Variants in GFRA1 observed in about 807,000 individuals in gnomAD.
GFRA1 encodes GDNF family receptor alpha-1.
In GFRA1, 16 loss-of-function variants were observed where a neutral mutation model predicts 51.6. The observed-to-expected ratio is 0.31, with a 90% CI of 0.21 to 0.47. The LOEUF is 0.47. GFRA1 is among the 20% of genes least tolerant of loss of function. The probability of loss-of-function intolerance (pLI) is 1.00; values close to 1 mark genes in which losing one functional copy is unlikely to be tolerated. For missense variants in GFRA1, 530 were observed against 594.3 expected (o/e 0.89, Z 1.13); for synonymous variants, 270 against 241.3 (o/e 1.12, Z -1.10).
In GFRA1 at chr10:116,270,991, G is replaced by C. The variant is rs771862648; in HGVS notation, c.165C>G (p.Gly55=). The C allele has an allele frequency of 1.9e-6, 3 of 1,614,212 alleles. No individual in the cohort carries two copies. Among genetic ancestry groups the C allele is most frequent in the Admixed American group, 3.3e-5 (2 of 60,034 alleles). ...ATGCCAGGCTGAAGTTGGTCTCCTT[G>C]CCCGCCACGCACTGCCTTAGCGTGC... The part of the protein sequence containing the change: ...KYRTLRQCVA[G]KETNFSLASG... The change falls in exon 3 of 11, where the codon GGC becomes GGG. Residue 55 remains glycine, a synonymous_variant. Coordinates refer to ENST00000355422, the MANE Select transcript of GFRA1 (RefSeq NM_005264.8).
intron 5 of GFRA1, among the ~76,000 whole-genome samples, chr10:116,193,780 G>A (rs1042561545): frequency 6.6e-5 from 10 of 151,812 alleles, no homozygotes; most frequent in African/African-American, 9.7e-5. Context: ...CTCATGGGCC[G>A]GGCGCGGTGG....
At chr10:116,159,007 A>G (rs1959459342) in intron 5 of GFRA1, among the ~76,000 whole-genome samples, 1 of 152,240 alleles carries the variant, frequency 6.6e-6, no homozygotes, top group African/African-American at 2.4e-5. Context: ...TTTGAAGGAA[A>G]CGGTGCTTTA....
chr10:116,111,183 C>T lies in GFRA1; in HGVS notation c.770+14038G>A, dbSNP rs558253666. ...CCATTTTAGGAAGAAGATTTAATTA[C>T]CTTAAAACCCTGTGTTTTGCTTTGC... is the stretch of plus-strand genomic sequence containing the variant. On this transcript the variant is annotated intron_variant, in intron 6 of 10. Coordinates refer to ENST00000355422, the MANE Select transcript of GFRA1 (RefSeq NM_005264.8). Among the ~76,000 whole-genome samples the T allele has an allele frequency of 3.3e-5, 5 of 152,308 alleles. No homozygotes were observed. In the South Asian group the frequency reaches 1.0e-3, roughly 32 times the overall value.
At chr10:116,164,053 G>C (rs1213747089) in intron 5 of GFRA1, among the ~76,000 whole-genome samples, 1 of 152,152 alleles carries the variant, frequency 6.6e-6, no homozygotes, top group Non-Finnish European at 1.5e-5. Flanking sequence ...CAGGAGGTCA[G>C]GAGCTCCCTA....
chr10:116,196,697 TA>T (rs1963873696), intron 5 of GFRA1, among the ~76,000 whole-genome samples: 1 of 49,546 alleles, frequency 2.0e-5, no homozygotes, highest in African/African-American at 9.8e-5. Flanking sequence ...GTACTATATA[TA>T]ATATATATTA....
intron 5 of GFRA1, among the ~76,000 whole-genome samples, chr10:116,132,193 G>C (rs1958132322): frequency 6.6e-6 from 1 of 152,088 alleles, no homozygotes; most frequent in South Asian, 2.1e-4. Context: ...TGGGTGACAA[G>C]AGCGAAAGTG....
chr10:116,182,095 G>A (rs145123954), intron 5 of GFRA1, among the ~76,000 whole-genome samples: 4,758 of 151,992 alleles, frequency 0.031, 62 homozygotes, highest in African/African-American at 0.04. Flanking sequence ...ATGTAACTGG[G>A]GGCTGGGGGT....
At chr10:116,165,104 G>A (rs1028266212) in intron 5 of GFRA1, among the ~76,000 whole-genome samples, 14 of 152,102 alleles carry the variant, frequency 9.2e-5, no homozygotes, top group African/African-American at 3.1e-4. Flanking sequence ...TAAGAGCTTT[G>A]GGTCCTGAAA....
At chr10:116,073,856 T>C (rs1006775356) in intron 9 of GFRA1, among the ~76,000 whole-genome samples, 2 of 152,146 alleles carry the variant, frequency 1.3e-5, no homozygotes, top group African/African-American at 4.8e-5. Context: ...TAAGGTTTGA[T>C]ATAAAACACC....
chr10:116,143,422 G>C (rs1958658743), intron 5 of GFRA1, among the ~76,000 whole-genome samples: 1 of 151,920 alleles, frequency 6.6e-6, no homozygotes, highest in Non-Finnish European at 1.5e-5. Flanking sequence ...TTTAGTATAG[G>C]ATGACAGATA....
chr10:116,271,953 CAG>C, intron 2 of GFRA1, 35 bp downstream of exon 2: 1 of 1,527,034 alleles, frequency 6.5e-7, no homozygotes, highest in South Asian at 1.2e-5. Flanking sequence ...AGGAAAGACT[CAG>C]AGGGTAAGAA....
At position 116,269,519 on chromosome 10, in the gene GFRA1, C is replaced by T; in HGVS notation, c.402G>A (p.Val134=). The T allele has an allele frequency of 6.3e-7, 1 of 1,597,144 alleles. No homozygotes were observed. The highest frequency in any genetic ancestry group is 8.6e-7 in the Non-Finnish European group (1 of 1,164,588). ...VNSRLSDIFR[V]VPFISDVFQQ... ...TCTGCTTACCTGATATGAATGGGAC[C>T]ACCCGGAATATATCTGACAATCTGC... The change falls in exon 4 of 11, where the codon GTG becomes GTA. Residue 134 remains valine (V), a synonymous_variant. Transcript: ENST00000355422.
chr10:116,179,251 TC>T (rs1344654247), intron 5 of GFRA1, among the ~76,000 whole-genome samples: 1 of 152,172 alleles, frequency 6.6e-6, no homozygotes, highest in Non-Finnish European at 1.5e-5. Context: ...AATTAAGTCT[TC>T]ATACAAACCC....
At chr10:116,218,497 C>G (rs1380994620) in intron 4 of GFRA1, among the ~76,000 whole-genome samples, 1 of 152,184 alleles carries the variant, frequency 6.6e-6, no homozygotes, top group Non-Finnish European at 1.5e-5. Flanking sequence ...CCTTCCTGCC[C>G]AGGTGCAGGT....
At chr10:116,145,818 C>G (rs919962879) in intron 5 of GFRA1, among the ~76,000 whole-genome samples, 1 of 152,002 alleles carries the variant, frequency 6.6e-6, no homozygotes, top group Non-Finnish European at 1.5e-5. Context: ...TGATGGAAGA[C>G]AGGATAAATA....
chr10:116,216,264 C>G (rs1184766385), intron 4 of GFRA1, among the ~76,000 whole-genome samples: 1 of 152,194 alleles, frequency 6.6e-6, no homozygotes, highest in Non-Finnish European at 1.5e-5. Context: ...TTAAAAATGA[C>G]TTAACTACAC....
At chr10:116,119,130 G>A (rs901467082) in intron 6 of GFRA1, among the ~76,000 whole-genome samples, 1 of 152,170 alleles carries the variant, frequency 6.6e-6, no homozygotes, top group African/African-American at 2.4e-5. Flanking sequence ...TGCACATCAG[G>A]AGGTGGCGCA....
intron 5 of GFRA1, among the ~76,000 whole-genome samples, chr10:116,152,758 T>C (rs1283289831): frequency 6.6e-6 from 1 of 152,244 alleles, no homozygotes; most frequent in Non-Finnish European, 1.5e-5. Flanking sequence ...TTTGATGATG[T>C]TTCAAACTCA....
chr10:116,077,917 G>A lies in GFRA1; in HGVS notation c.1197+11824C>T, dbSNP rs139789894. On this transcript the variant is annotated intron_variant, in intron 9 of 10. Coordinates refer to ENST00000355422, the MANE Select transcript of GFRA1 (RefSeq NM_005264.8). ...CACAAGCGACACTTAGTAGGGCCCC[G>A]GAGATTAAGAAAAGTCTTGCAGGAA... 3.0e-3 allele frequency among the ~76,000 whole-genome samples: 461 copies of A among 152,252 alleles called. 3 individuals carry two copies. The highest frequency in any genetic ancestry group is 0.011 in the African/African-American group (441 of 41,526).
Sources: gnomAD v4.1 joint callset for allele counts (sites outside exome capture counted in the v4.1 genomes callset) on GRCh38, gnomAD v4.1.1 for gene constraint, MANE v1.5 for transcripts, NCBI Gene and HGNC (gene_info 2026-07-23, HGNC 2026-07-21) for gene names.